Variants in ASAP1 observed in about 807,000 individuals in gnomAD.
ASAP1 encodes arf-GAP with SH3 domain, ANK repeat and PH domain-containing protein 1.
In ASAP1, 43 loss-of-function variants were observed where a neutral mutation model predicts 145.2. That is an observed-to-expected ratio of 0.30 (90% CI 0.23 to 0.38). The LOEUF (loss-of-function observed/expected upper bound fraction) is 0.38, where lower values mean the gene tolerates loss of function less well. Ranked by LOEUF, ASAP1 falls within the 10% of genes least tolerant of loss-of-function variation. The pLI is 1.00. For missense variants in ASAP1, 1,018 were observed against 1,355.3 expected (o/e 0.75, Z 3.91); for synonymous variants, 546 against 515.5 (o/e 1.06, Z -0.80).
chr8:130,192,926 G>A (rs1815237819), intron 5 of ASAP1, among the ~76,000 whole-genome samples: 1 of 152,096 alleles, frequency 6.6e-6, no homozygotes, highest in Non-Finnish European at 1.5e-5. Flanking sequence ...CTATCAATAG[G>A]GCACTGGCTA....
chr8:130,315,043 C>T (rs1823586120), intron 3 of ASAP1, among the ~76,000 whole-genome samples: 1 of 152,104 alleles, frequency 6.6e-6, no homozygotes, highest in Non-Finnish European at 1.5e-5. Flanking sequence ...TTTACTATGA[C>T]AATTAGTGGA....
chr8:130,333,601 T>C (rs1453406183), intron 3 of ASAP1, among the ~76,000 whole-genome samples: 1 of 151,954 alleles, frequency 6.6e-6, no homozygotes, highest in Non-Finnish European at 1.5e-5. Context: ...TGAAACTCCG[T>C]CTCAAAAACA....
At chr8:130,100,352 G>A (rs145122590) in intron 24 of ASAP1, among the ~76,000 whole-genome samples, 14,597 of 150,470 alleles carry the variant, frequency 0.097, 879 homozygotes, top group South Asian at 0.27. Context: ...TTTTTGAGAC[G>A]GAGTTTCACT....
chr8:130,393,033 T>C (rs191187883), intron 2 of ASAP1, among the ~76,000 whole-genome samples: 11 of 152,292 alleles, frequency 7.2e-5, no homozygotes, highest in Middle Eastern at 3.4e-3. Flanking sequence ...TTTTTTAACA[T>C]GACAGTTATA....
chr8:130,187,740 T>C (rs549325532), intron 6 of ASAP1, among the ~76,000 whole-genome samples: 9 of 152,262 alleles, frequency 5.9e-5, no homozygotes, highest in African/African-American at 2.2e-4. Flanking sequence ...CCATGTGTTA[T>C]ATACACAAGA....
chr8:130,419,949 C>A (rs1268570334), intron 1 of ASAP1, among the ~76,000 whole-genome samples: 2 of 139,754 alleles, frequency 1.4e-5, no homozygotes, highest in Non-Finnish European at 1.6e-5. Context: ...GCACCACCTT[C>A]TTCTTCTTTT....
At chr8:130,129,704 T>C (rs2097580276) in intron 15 of ASAP1, among the ~76,000 whole-genome samples, 1 of 152,060 alleles carries the variant, frequency 6.6e-6, no homozygotes, top group Admixed American at 6.5e-5. Flanking sequence ...AAAAACCAAA[T>C]TATGTTTTTG....
intron 26 of ASAP1, among the ~76,000 whole-genome samples, chr8:130,078,712 G>A (rs2097470712): frequency 6.6e-6 from 1 of 152,152 alleles, no homozygotes; most frequent in Non-Finnish European, 1.5e-5. Context: ...AGGAATGAAA[G>A]GCAGGGCACA....
intron 2 of ASAP1, among the ~76,000 whole-genome samples, chr8:130,364,855 A>T (rs1263077401): frequency 6.6e-6 from 1 of 152,204 alleles, no homozygotes; most frequent in African/African-American, 2.4e-5. Context: ...ACTTGGGCTC[A>T]GGAGTTTGAG....
At chr8:130,072,922 C>A (rs2097452925) in intron 27 of ASAP1, among the ~76,000 whole-genome samples, 1 of 151,268 alleles carries the variant, frequency 6.6e-6, no homozygotes, top group African/African-American at 2.4e-5. Context: ...CGAGGACACC[C>A]AACTGGTGTC....
intron 2 of ASAP1, among the ~76,000 whole-genome samples, chr8:130,399,101 G>A (rs10956520): frequency 0.22 from 33,490 of 152,068 alleles, 3,948 homozygotes; most frequent in African/African-American, 0.26. Context: ...AGGATGGGAC[G>A]TGCCTTTCTC....
In ASAP1 at chr8:130,358,852, G is replaced by A. The variant is rs987227079; in HGVS notation, c.60-709C>T. Among the ~76,000 whole-genome samples, 1 of 151,886 alleles carries A rather than the reference G, an allele frequency of 6.6e-6. No homozygotes were observed. Among genetic ancestry groups the A allele is most frequent in the Non-Finnish European group, 1.5e-5 (1 of 67,940 alleles). On this transcript the variant is annotated intron_variant, in intron 2 of 29. Transcript: ENST00000518721. The surrounding 1 kb of genome is among the most constrained non-coding windows in gnomAD (Gnocchi z 4.1). ...GGGGGCTCCGGAAGCCCGAGTCCCT[G>A]GTTCGCCCCCGGAGCGGTTACTTCA...
intron 2 of ASAP1, among the ~76,000 whole-genome samples, chr8:130,366,407 G>A (rs1165607050): frequency 6.6e-6 from 1 of 152,118 alleles, no homozygotes; most frequent in East Asian, 1.9e-4. Flanking sequence ...GCAGAGTGTA[G>A]GTCAAATTTC....
At chr8:130,252,970 C>T (rs1011581859) in intron 3 of ASAP1, among the ~76,000 whole-genome samples, 1 of 152,128 alleles carries the variant, frequency 6.6e-6, no homozygotes, top group Non-Finnish European at 1.5e-5. Context: ...TTGGAAACCA[C>T]CAAGCCTTTT....
At chr8:130,125,677 A>G (rs1233567428) in intron 17 of ASAP1, among the ~76,000 whole-genome samples, 2 of 152,186 alleles carry the variant, frequency 1.3e-5, no homozygotes, top group African/African-American at 4.8e-5. Flanking sequence ...ACTAATTCAT[A>G]AAGAAAAATG....
At chr8:130,410,162 CT>C (rs1402801560) in intron 1 of ASAP1, among the ~76,000 whole-genome samples, 2 of 152,044 alleles carry the variant, frequency 1.3e-5, no homozygotes, top group Non-Finnish European at 2.9e-5. Flanking sequence ...AAATATTAAG[CT>C]AAATATCAAG....
chr8:130,400,726 G>A (rs1828754941), intron 2 of ASAP1, among the ~76,000 whole-genome samples: 1 of 150,520 alleles, frequency 6.6e-6, no homozygotes, highest in African/African-American at 2.5e-5. Flanking sequence ...GGGAGGCGGA[G>A]CTTGCAGTGA....
chr8:130,153,359 G>GTGTGTA (rs1565024778), intron 12 of ASAP1, among the ~76,000 whole-genome samples: 2 of 28,912 alleles, frequency 6.9e-5, no homozygotes, highest in African/African-American at 2.1e-4. Context: ...ATATATATAT[G>GTGTGTA]TATATATATA....
At chr8:130,181,348 G>A (rs1814344207) in intron 7 of ASAP1, among the ~76,000 whole-genome samples, 1 of 152,156 alleles carries the variant, frequency 6.6e-6, no homozygotes, top group Non-Finnish European at 1.5e-5. Flanking sequence ...TGGTAGGCAT[G>A]AAGAAATTTT....
Sources: gnomAD v4.1 joint callset for allele counts (sites outside exome capture counted in the v4.1 genomes callset) on GRCh38, gnomAD v4.1.1 for gene constraint, Gnocchi (gnomAD v3.1) non-coding constraint, MANE v1.5 for transcripts, NCBI Gene and HGNC (gene_info 2026-07-23, HGNC 2026-07-21) for gene names.